Variants in VTI1A observed in about 807,000 individuals in gnomAD.
The protein encoded by VTI1A is vesicle transport through interaction with t-SNAREs 1A.
VTI1A carries 22 observed loss-of-function variants against 34.9 expected under a neutral mutation model. The ratio of observed to expected loss-of-function variants is 0.63; its 90% CI spans 0.45 to 0.90. The LOEUF is 0.90. VTI1A is among the 40% of genes least tolerant of loss of function. VTI1A has a pLI of 0.00. For synonymous variants in VTI1A, 87 were observed against 97.3 expected, an observed-to-expected ratio of 0.89 and a Z score of 0.62; for missense variants, 268 against 275.6, an observed-to-expected ratio of 0.97 and a Z score of 0.20.
At chr10:112,483,408 C>T (rs1479048876) in intron 3 of VTI1A, among the ~76,000 whole-genome samples, 1 of 151,892 alleles carries the variant, frequency 6.6e-6, no homozygotes, top group African/African-American at 2.4e-5. Flanking sequence ...GTGTCTGATG[C>T]ATTTCTACCT....
chr10:112,690,468 C>T (rs1347800017), intron 7 of VTI1A, among the ~76,000 whole-genome samples: 3 of 152,202 alleles, frequency 2.0e-5, no homozygotes, highest in African/African-American at 7.2e-5. Context: ...GCCTCCAGCT[C>T]ACCCCAGTTC....
intron 7 of VTI1A, among the ~76,000 whole-genome samples, chr10:112,699,783 G>A (rs564906846): frequency 1.0e-4 from 15 of 149,226 alleles, no homozygotes; most frequent in Non-Finnish European, 1.5e-4. Context: ...AGCTGAGATC[G>A]CGCCATTGCA....
Position 112,601,353 on chromosome 10 carries a change from A to G in VTI1A, c.427+63023A>G, listed in dbSNP as rs569243192. On this transcript the variant is annotated intron_variant, in intron 5 of 7. Transcript: ENST00000393077. ...AAGTTCAATAAAAACTGGTTGGCATATCTGCTATGCCTAAACAATTTTGCT... is the reference window on the plus strand; with the variant it reads ...AAGTTCAATAAAAACTGGTTGGCATGTCTGCTATGCCTAAACAATTTTGCT... 2.7e-4 allele frequency among the ~76,000 whole-genome samples: 41 copies of G among 152,160 alleles called. No homozygotes were observed. In the South Asian group the frequency reaches 8.1e-3, roughly 30 times the overall value.
chr10:112,521,731 C>A (rs868619159), intron 3 of VTI1A, among the ~76,000 whole-genome samples: 2 of 152,030 alleles, frequency 1.3e-5, no homozygotes, highest in Non-Finnish European at 2.9e-5. Context: ...GTTTTCTTTA[C>A]CTTTACCTAA....
chr10:112,628,225 G>A (rs1845995901), intron 5 of VTI1A, among the ~76,000 whole-genome samples: 1 of 151,980 alleles, frequency 6.6e-6, no homozygotes, highest in African/African-American at 2.4e-5. Context: ...TTCACATGTT[G>A]CTGGACATTT....
chr10:112,480,167 A>G (rs1848415122), intron 3 of VTI1A, among the ~76,000 whole-genome samples: 1 of 152,122 alleles, frequency 6.6e-6, no homozygotes, highest in Admixed American at 6.5e-5. Context: ...AATATGGTAG[A>G]AACGAAAATG....
chr10:112,458,628 T>G (rs1242825361), intron 1 of VTI1A, among the ~76,000 whole-genome samples: 1 of 151,488 alleles, frequency 6.6e-6, no homozygotes, highest in Non-Finnish European at 1.5e-5. Flanking sequence ...ATTGTTTTAG[T>G]GAAATAATTA....
intron 5 of VTI1A, among the ~76,000 whole-genome samples, chr10:112,555,617 A>C (rs1406691781): frequency 6.6e-6 from 1 of 152,076 alleles, no homozygotes; most frequent in Non-Finnish European, 1.5e-5. Context: ...TTGAGATCTT[A>C]TATTGACCTT....
chr10:112,576,377 A>T (rs546110340), intron 5 of VTI1A, among the ~76,000 whole-genome samples: 1 of 152,216 alleles, frequency 6.6e-6, no homozygotes, highest in Non-Finnish European at 1.5e-5. Flanking sequence ...CTGTTTTAGC[A>T]TGCATTTAAT....
chr10:112,544,555 A>G (rs1850999996), intron 5 of VTI1A, among the ~76,000 whole-genome samples: 1 of 151,976 alleles, frequency 6.6e-6, no homozygotes, highest in Non-Finnish European at 1.5e-5. Flanking sequence ...ATAGCAGTAA[A>G]CGACGCGAGG....
intron 7 of VTI1A, among the ~76,000 whole-genome samples, chr10:112,711,279 C>G (rs1849405654): frequency 6.6e-6 from 1 of 152,130 alleles, no homozygotes; most frequent in Admixed American, 6.5e-5. Flanking sequence ...TAATTTAGAG[C>G]ATTTTCAGTT....
At chr10:112,660,906 T>A (rs1847422225) in intron 5 of VTI1A, among the ~76,000 whole-genome samples, 1 of 152,224 alleles carries the variant, frequency 6.6e-6, no homozygotes, top group African/African-American at 2.4e-5. Context: ...CACTTCTGCA[T>A]GTTATCACTA....
chr10:112,707,131 C>A (rs1849226968), intron 7 of VTI1A, among the ~76,000 whole-genome samples: 1 of 152,002 alleles, frequency 6.6e-6, no homozygotes, highest in African/African-American at 2.4e-5. Context: ...TCCATTGAAC[C>A]ATTGGGGGTT....
intron 7 of VTI1A, among the ~76,000 whole-genome samples, chr10:112,732,924 G>T (rs1256290017): frequency 6.6e-6 from 1 of 150,782 alleles, no homozygotes; most frequent in South Asian, 2.1e-4. Flanking sequence ...ACACAGTAAA[G>T]GTGGATGGTC....
At chr10:112,670,178 G>A (rs904805980) in intron 7 of VTI1A, among the ~76,000 whole-genome samples, 1 of 152,116 alleles carries the variant, frequency 6.6e-6, no homozygotes, top group Non-Finnish European at 1.5e-5. Flanking sequence ...AGAAAGGAAG[G>A]GGAGGGAAAA....
chr10:112,649,856 A>G lies in VTI1A; in HGVS notation c.428-18362A>G, dbSNP rs542810724. On this transcript the variant is annotated intron_variant, in intron 5 of 7. Transcript: ENST00000393077. ...ACTTGTATATTTAAACAGTAAAAAT[A>G]TGATATAAGAGATAAAAAATGATCC... 3.3e-5 allele frequency among the ~76,000 whole-genome samples: 5 copies of G among 152,322 alleles called. No homozygotes were observed. In the East Asian group the frequency reaches 7.7e-4, roughly 23 times the overall value.
At chr10:112,464,422 G>T (rs1847830461) in intron 2 of VTI1A, 125 bp from the exon 3 acceptor site, 1 of 754,694 alleles carries the variant, frequency 1.3e-6, no homozygotes, top group South Asian at 1.8e-5. Context: ...TGATCATTCA[G>T]CACCCTGAAC....
intron 5 of VTI1A, among the ~76,000 whole-genome samples, chr10:112,541,185 A>T (rs1033014058): frequency 6.6e-6 from 1 of 152,166 alleles, no homozygotes; most frequent in South Asian, 2.1e-4. Flanking sequence ...AGGCCCTTCA[A>T]ATTTTTTTTC....
intron 7 of VTI1A, among the ~76,000 whole-genome samples, chr10:112,716,241 T>C (rs1849608908): frequency 6.6e-6 from 1 of 152,146 alleles, no homozygotes; most frequent in African/African-American, 2.4e-5. Context: ...GCAAGGAATA[T>C]TTGAAATGCA....
Sources: gnomAD v4.1 joint callset for allele counts (sites outside exome capture counted in the v4.1 genomes callset) on GRCh38, gnomAD v4.1.1 for gene constraint, MANE v1.5 for transcripts, NCBI Gene and HGNC (gene_info 2026-07-23, HGNC 2026-07-21) for gene names.